The following LRP5 variants were observed in gnomAD, a reference collection of about 807,000 sequenced individuals.
LRP5 encodes the protein low-density lipoprotein receptor-related protein 5.
A neutral mutation model predicts 154.1 loss-of-function variants in LRP5; 62 were observed. The ratio of observed to expected loss-of-function variants is 0.40; its 90% CI spans 0.33 to 0.50. The LOEUF is 0.50. Among genes scored for constraint, LRP5 ranks in the 20% least tolerant of loss-of-function variants. The pLI, the probability that LRP5 is intolerant of heterozygous loss-of-function variation, is 0.55. For synonymous variants in LRP5, 966 were observed against 1,011.5 expected (o/e 0.96, Z 0.85); for missense variants, 1,915 against 2,336.7 (o/e 0.82, Z 3.72).
chr11:68,380,799 G>A (rs552798982), intron 5 of LRP5, among the ~76,000 whole-genome samples: 1 of 152,338 alleles, frequency 6.6e-6, no homozygotes, highest in South Asian at 2.1e-4. Context: ...CCTCTCTCTG[G>A]CCTCTGTGCA....
At chr11:68,427,350 A>G (rs553577708) in intron 16 of LRP5, among the ~76,000 whole-genome samples, 29 of 152,292 alleles carry the variant, frequency 1.9e-4, no homozygotes, top group Middle Eastern at 3.4e-3. Context: ...AGCCTGGGCA[A>G]CATGGTGAGA....
At chr11:68,399,660 G>T (rs1459729977) in intron 7 of LRP5, among the ~76,000 whole-genome samples, 1 of 152,158 alleles carries the variant, frequency 6.6e-6, no homozygotes, top group East Asian at 1.9e-4. Context: ...TCTGCATCTT[G>T]TCCCCTGACG....
At chr11:68,371,983 C>T (rs145611351) in intron 5 of LRP5, among the ~76,000 whole-genome samples, 1 of 152,334 alleles carries the variant, frequency 6.6e-6, no homozygotes, top group African/African-American at 2.4e-5. Flanking sequence ...GTCCAGTGTC[C>T]GGGGGTGAAG....
chr11:68,371,132 C>A (rs1176378570), intron 5 of LRP5, among the ~76,000 whole-genome samples: 2 of 152,236 alleles, frequency 1.3e-5, no homozygotes, highest in East Asian at 3.9e-4. Flanking sequence ...GTTCCAGGGG[C>A]AGCTGGTGTG....
chr11:68,418,961 A>G (rs1471851147), intron 13 of LRP5, among the ~76,000 whole-genome samples: 1 of 152,190 alleles, frequency 6.6e-6, no homozygotes, highest in Admixed American at 6.5e-5. Flanking sequence ...GCTAGGCAGA[A>G]GTGATGAAGA....
intron 1 of LRP5, among the ~76,000 whole-genome samples, chr11:68,346,442 C>T (rs1459615946): frequency 9.2e-5 from 14 of 152,250 alleles, no homozygotes; most frequent in Non-Finnish European, 1.8e-4. Context: ...TACCCCACTG[C>T]GCTGGGGTCT....
intron 18 of LRP5, among the ~76,000 whole-genome samples, chr11:68,435,227 C>T (rs2153179540): frequency 6.6e-6 from 1 of 152,314 alleles, no homozygotes; most frequent in South Asian, 2.1e-4. Flanking sequence ...CCAGCATGTG[C>T]TGTGTGTGTG....
intron 1 of LRP5, among the ~76,000 whole-genome samples, chr11:68,319,765 A>G (rs568804888): frequency 6.6e-6 from 1 of 152,280 alleles, no homozygotes; most frequent in South Asian, 2.1e-4. Flanking sequence ...TCCAGCCTTC[A>G]TTGCTATTAC....
intron 3 of LRP5, among the ~76,000 whole-genome samples, chr11:68,363,312 C>T (rs374419585): frequency 5.9e-5 from 9 of 152,140 alleles, no homozygotes; most frequent in Non-Finnish European, 1.0e-4. Context: ...GAGAAATGTA[C>T]GAGGGCGCCA....
upstream of LRP5, among the ~76,000 whole-genome samples, chr11:68,309,392 C>T (rs2098586296): frequency 6.6e-6 from 1 of 151,896 alleles, no homozygotes; most frequent in South Asian, 2.1e-4. Context: ...GCTGCCATGC[C>T]CAGCTAATTT....
At chr11:68,339,458 T>C (rs1044059648) in intron 1 of LRP5, among the ~76,000 whole-genome samples, 1 of 151,736 alleles carries the variant, frequency 6.6e-6, no homozygotes, top group African/African-American at 2.4e-5. Flanking sequence ...AGGGATTCTC[T>C]TGCCTCAGCC....
intron 6 of LRP5, among the ~76,000 whole-genome samples, chr11:68,387,774 G>C (rs914834244): frequency 1.3e-5 from 2 of 152,354 alleles, no homozygotes; most frequent in African/African-American, 4.8e-5. Context: ...GGAAGTCCCA[G>C]AGGAGCTGGG....
rs763815058 is a variant in LRP5, at chr11:68,439,835, G to T, written c.4407G>T (p.Gly1469=). ...TGAGCCTGATGGGGGGCCGGGGCGG[G>T]GTGCCCCTCTACGACCGGAACCACG... ...SSVSLMGGRG[G]VPLYDRNHVT... The change falls in exon 21 of 23, where the codon GGG becomes GGT. Residue 1469 remains glycine (G), a synonymous_variant. Coordinates refer to ENST00000294304, the MANE Select transcript of LRP5 (RefSeq NM_002335.4). 1 of 1,611,160 alleles carries T rather than the reference G, an allele frequency of 6.2e-7. No individual in the cohort carries two copies. Among genetic ancestry groups the T allele is most frequent in the Non-Finnish European group, 8.5e-7 (1 of 1,179,510 alleles).
chr11:68,309,232 C>CTT (rs201481289), upstream of LRP5, among the ~76,000 whole-genome samples: 8 of 143,406 alleles, frequency 5.6e-5, no homozygotes, highest in Admixed American at 1.4e-4. Context: ...CTCATCTGGC[C>CTT]TTTTTTTTCT....
intron 17 of LRP5, among the ~76,000 whole-genome samples, chr11:68,431,593 A>G (rs999281510): frequency 6.6e-6 from 1 of 152,150 alleles, no homozygotes; most frequent in African/African-American, 2.4e-5. Context: ...GCTCCTGCCC[A>G]GGAGCTCGGG....
intron 7 of LRP5, among the ~76,000 whole-genome samples, chr11:68,393,129 GA>G (rs761823230): frequency 4.9e-5 from 7 of 142,954 alleles, no homozygotes; most frequent in Admixed American, 7.0e-5. Flanking sequence ...GACCCTGTCT[GA>G]AAAAAAAAAC....
At chr11:68,346,131 T>C (rs774314316) in intron 1 of LRP5, among the ~76,000 whole-genome samples, 1 of 152,252 alleles carries the variant, frequency 6.6e-6, no homozygotes, top group Non-Finnish European at 1.5e-5. Flanking sequence ...GCCTTTTTAC[T>C]CTCTCGATAG....
At chr11:68,416,113 C>T (rs1282214198) in intron 12 of LRP5, among the ~76,000 whole-genome samples, 2 of 152,004 alleles carry the variant, frequency 1.3e-5, no homozygotes, top group Admixed American at 1.3e-4. Context: ...AAAAATAACA[C>T]ATGTACTTTG....
chr11:68,417,001 G>A (rs1373940962), intron 13 of LRP5, among the ~76,000 whole-genome samples: 2 of 152,208 alleles, frequency 1.3e-5, no homozygotes, highest in Non-Finnish European at 2.9e-5. Context: ...CTCCATCAAT[G>A]ACATGTAAGA....
Sources: allele counts gnomAD v4.1 joint callset (sites outside exome capture counted in the v4.1 genomes callset), GRCh38; gene constraint gnomAD v4.1.1; transcripts MANE v1.5; gene names NCBI Gene and HGNC (gene_info 2026-07-23, HGNC 2026-07-21).